The following LACTB2 variants were observed in gnomAD, a reference collection of about 807,000 sequenced individuals.
LACTB2 encodes the protein lactamase beta 2.
LACTB2 carries 32 observed loss-of-function variants against 34.8 expected under a neutral mutation model. The observed-to-expected ratio is 0.92, with a 90% CI of 0.69 to 1.24. The LOEUF (loss-of-function observed/expected upper bound fraction) is 1.24, where lower values mean the gene tolerates loss of function less well. Among genes scored for constraint, LACTB2 ranks in the 50% most tolerant of loss-of-function variants. The pLI, the probability that LACTB2 is intolerant of heterozygous loss-of-function variation, is 0.00. For missense variants in LACTB2, 320 were observed against 345.0 expected (o/e 0.93, Z 0.57); for synonymous variants, 120 against 117.5 (o/e 1.02, Z -0.14).
At chr8:70,643,173 C>T (rs1818220615) in intron 4 of LACTB2, among the ~76,000 whole-genome samples, 1 of 146,176 alleles carries the variant, frequency 6.8e-6, no homozygotes, top group Admixed American at 6.9e-5. Flanking sequence ...TTAAGTTTAA[C>T]TGCACAGCTA....
At chr8:70,648,064 TTTTCTAAGTTA>T (rs1818285586) in intron 3 of LACTB2, among the ~76,000 whole-genome samples, 1 of 152,212 alleles carries the variant, frequency 6.6e-6, no homozygotes, top group Non-Finnish European at 1.5e-5. Flanking sequence ...AGAAGAGTCT[TTTTCTAAGTTA>T]TTTTACCATC....
chr8:70,638,135 C>A (rs956579515), intron 6 of LACTB2, among the ~76,000 whole-genome samples: 1 of 152,196 alleles, frequency 6.6e-6, no homozygotes, highest in African/African-American at 2.4e-5. Context: ...ATTAGTTTGA[C>A]AAACTAACAC....
At chr8:70,668,500 A>C (rs959740297) in intron 1 of LACTB2, among the ~76,000 whole-genome samples, 2 of 152,226 alleles carry the variant, frequency 1.3e-5, no homozygotes, top group African/African-American at 4.8e-5. Flanking sequence ...ATGAGCCCAC[A>C]GGCTGCAGAG....
chr8:70,665,546 AAACATAATGGCT>A (rs1208534080), intron 1 of LACTB2, among the ~76,000 whole-genome samples: 3 of 152,236 alleles, frequency 2.0e-5, no homozygotes, highest in African/African-American at 7.2e-5. Context: ...CAGAAGTGAT[AAACATAATGGCT>A]AACATGGTAT....
intron 4 of LACTB2, among the ~76,000 whole-genome samples, chr8:70,642,965 T>C (rs1358597466): frequency 6.6e-6 from 1 of 152,190 alleles, no homozygotes; most frequent in African/African-American, 2.4e-5. Flanking sequence ...AGGTCAAACA[T>C]TACCCAAAGT....
At chr8:70,638,315 G>A (rs1047655635) in intron 6 of LACTB2, among the ~76,000 whole-genome samples, 1 of 152,110 alleles carries the variant, frequency 6.6e-6, no homozygotes, top group Non-Finnish European at 1.5e-5. Context: ...TTGCCATTCT[G>A]GTGGGTAAGG....
At chr8:70,658,683 G>T (rs1217092656) in intron 2 of LACTB2, among the ~76,000 whole-genome samples, 2 of 152,150 alleles carry the variant, frequency 1.3e-5, no homozygotes, top group South Asian at 4.1e-4. Context: ...GAATGAGCAG[G>T]ATGGGTAAAG....
chr8:70,661,652 G>GACT (rs1818481885), intron 2 of LACTB2, 82 bp downstream of exon 2: 1 of 1,228,964 alleles, frequency 8.1e-7, no homozygotes, highest in Non-Finnish European at 1.1e-6. Context: ...ATGGTTTATA[G>GACT]ACTACTTAGC....
intron 2 of LACTB2, among the ~76,000 whole-genome samples, chr8:70,658,907 G>A (rs549720496): frequency 3.1e-4 from 47 of 152,200 alleles, no homozygotes; most frequent in African/African-American, 8.9e-4. Context: ...TGCACCTAAC[G>A]TCCCAGATAC....
rs192697037 is a variant in LACTB2, at chr8:70,663,308, T to C, written c.123-1411A>G. The C allele has an allele frequency of 1.1e-4, 16 of 152,320 alleles. No homozygotes were observed. In the East Asian group the frequency reaches 2.9e-3, roughly 28 times the overall value. 9.4% of individuals were successfully genotyped at this position (152,320 alleles called of 1,614,324 possible). On this transcript the variant is annotated intron_variant, in intron 1 of 6. Transcript: ENST00000276590. ...TGAGTAACTGGATGGTTATTTTTTA[T>C]TGGTTTGTTTCCCTAACCCTACTCC...
chr8:70,665,043 T>C (rs976318161), intron 1 of LACTB2, among the ~76,000 whole-genome samples: 10 of 152,208 alleles, frequency 6.6e-5, no homozygotes, highest in Admixed American at 1.3e-4. Flanking sequence ...AAAACTGTTA[T>C]CAGTTTTGAA....
At chr8:70,648,094 A>C (rs1247643621) in intron 3 of LACTB2, among the ~76,000 whole-genome samples, 1 of 152,200 alleles carries the variant, frequency 6.6e-6, no homozygotes, top group South Asian at 2.1e-4. Context: ...TCTCAGGAAG[A>C]AAGACTCTAC....
chr8:70,665,522 T>A (rs1040662180), intron 1 of LACTB2, among the ~76,000 whole-genome samples: 1 of 152,234 alleles, frequency 6.6e-6, no homozygotes, highest in Non-Finnish European at 1.5e-5. Context: ...GTTATCTAGA[T>A]GTTATGAGGA....
At chr8:70,663,225 TA>T (rs1393541287) in intron 1 of LACTB2, 1 of 152,202 alleles carries the variant, frequency 6.6e-6, no homozygotes, top group Admixed American at 6.5e-5. Flanking sequence ...TGACTGGAAA[TA>T]AACAATAAAA....
intron 2 of LACTB2, chr8:70,660,108 GTTTC>G (rs1563407805): frequency 6.6e-6 from 1 of 151,638 alleles, no homozygotes. Flanking sequence ...TCACAGAGTA[GTTTC>G]TTTTTTTTTT....
intron 4 of LACTB2, among the ~76,000 whole-genome samples, chr8:70,642,301 A>C (rs1818208181): frequency 1.3e-5 from 2 of 152,186 alleles, no homozygotes; most frequent in South Asian, 4.1e-4. Context: ...GTCATCATAT[A>C]AATCTAAATG....
intron 4 of LACTB2, 118 bp downstream of exon 4, chr8:70,643,947 G>A: frequency 9.5e-7 from 1 of 1,048,942 alleles, no homozygotes; most frequent in Non-Finnish European, 1.3e-6. Context: ...AGCGCTTTGG[G>A]AGGTTGAGGT....
At chr8:70,660,638 G>A (rs1481533557) in intron 2 of LACTB2, 1 of 456,262 alleles carries the variant, frequency 2.2e-6, no homozygotes, top group African/African-American at 2.0e-5. Flanking sequence ...CTGCAATGCT[G>A]TTTGCCTGCA....
intron 4 of LACTB2, 47 bp downstream of exon 4, chr8:70,644,018 C>G (rs1450922588): frequency 7.1e-7 from 1 of 1,416,072 alleles, no homozygotes. Context: ...AAGACCTTGT[C>G]TCTATTTAAA....
Sources: gnomAD v4.1 joint callset for allele counts (sites outside exome capture counted in the v4.1 genomes callset) on GRCh38, gnomAD v4.1.1 for gene constraint, MANE v1.5 for transcripts, NCBI Gene and HGNC (gene_info 2026-07-23, HGNC 2026-07-21) for gene names.